VPS36: variants seen among roughly 807,000 people sequenced by gnomAD.
VPS36 encodes the protein vacuolar protein sorting 36 homolog.
Under a neutral mutation model 63.5 loss-of-function variants are expected in VPS36, and 31 were observed. The ratio of observed to expected loss-of-function variants is 0.49; its 90% CI spans 0.37 to 0.66. The LOEUF is 0.66. Among genes scored for constraint, VPS36 ranks in the 30% least tolerant of loss-of-function variants. VPS36 has a pLI of 0.00. For synonymous variants in VPS36, 138 were observed against 157.2 expected (o/e 0.88, Z 0.91); for missense variants, 338 against 463.7 (o/e 0.73, Z 2.49).
At chr13:52,424,555 AAC>A (rs1189097115) in intron 9 of VPS36, among the ~76,000 whole-genome samples, 1 of 152,228 alleles carries the variant, frequency 6.6e-6, no homozygotes, top group Admixed American at 6.5e-5. Context: ...TTCTTCAGGA[AAC>A]ACACGGTGGG....
At chr13:52,436,165 G>T in intron 4 of VPS36, 125 bp downstream of exon 4, 2 of 563,910 alleles carry the variant, frequency 3.5e-6, no homozygotes, top group Non-Finnish European at 3.0e-6. Flanking sequence ...GTAAAAATAT[G>T]GTGAAATCTG....
intron 10 of VPS36, among the ~76,000 whole-genome samples, chr13:52,421,649 G>A (rs1452082980): frequency 6.6e-6 from 1 of 151,264 alleles, no homozygotes; most frequent in East Asian, 1.9e-4. Context: ...AACCTCCTGA[G>A]TAGCTGGGAT....
chr13:52,420,858 T>C (rs1958039024), intron 10 of VPS36, among the ~76,000 whole-genome samples: 1 of 152,092 alleles, frequency 6.6e-6, no homozygotes, highest in East Asian at 1.9e-4. Context: ...GGCTCATGCC[T>C]GTAATCCCAG....
rs186203900 is a variant in VPS36 at position 52,420,628 on chromosome 13, C to T, written c.841-2572G>A. ...GATTACAGGCATGAGCCAGCGCACC[C>T]GGCCCTATTGTATATTTCAAAGTAA... is the stretch of plus-strand genomic sequence containing the variant. On this transcript the variant is annotated intron_variant, in intron 10 of 13. Transcript: ENST00000378060. Among the ~76,000 whole-genome samples, 387 of 151,966 alleles carry T rather than the reference C, an allele frequency of 2.5e-3. 1 individual carries two copies. Among genetic ancestry groups the T allele is most frequent in the African/African-American group, 8.7e-3 (359 of 41,498 alleles).
intron 9 of VPS36, among the ~76,000 whole-genome samples, chr13:52,424,079 C>T (rs1475707984): frequency 4.6e-5 from 7 of 152,060 alleles, no homozygotes; most frequent in Non-Finnish European, 7.4e-5. Context: ...GGGCTGGTCT[C>T]GAACTTCTGA....
chr13:52,423,464 GCTT>G (rs1468414615), intron 10 of VPS36, 107 bp downstream of exon 10: 1 of 904,458 alleles, frequency 1.1e-6, no homozygotes, highest in African/African-American at 1.6e-5. Flanking sequence ...GTACCACAGT[GCTT>G]CTCAAAATAG....
chr13:52,450,387 G>A, intron 1 of VPS36, 112 bp downstream of exon 1: 3 of 1,286,414 alleles, frequency 2.3e-6, no homozygotes, highest in Non-Finnish European at 2.0e-6. Flanking sequence ...GCCGAGGGCC[G>A]TGAGCTAAGC....
intron 2 of VPS36, among the ~76,000 whole-genome samples, chr13:52,439,432 T>C (rs1958251210): frequency 6.6e-6 from 1 of 151,768 alleles, no homozygotes; most frequent in Non-Finnish European, 1.5e-5. Context: ...GTATTTTCTT[T>C]ATTATTATTA....
rs1957965041 is a variant in VPS36, at chr13:52,413,410, A to C, written c.*2420T>G. On this transcript the variant is annotated 3_prime_UTR_variant, in exon 14 of 14. Coordinates refer to ENST00000378060, the MANE Select transcript of VPS36 (RefSeq NM_016075.4). ...TTTATAAGCAACTCTTAATTATAAA[A>C]TCCAAAGGAAAAATTCTTAACATAA... is the stretch of plus-strand genomic sequence containing the variant. 1 of 152,254 alleles carries C rather than the reference A, an allele frequency of 6.6e-6. No homozygotes were observed. Among genetic ancestry groups the C allele is most frequent in the Non-Finnish European group, 1.5e-5 (1 of 68,034 alleles). 9.4% of individuals were successfully genotyped at this position (152,254 alleles called of 1,614,324 possible). A position where few individuals can be genotyped will look rare whatever the true frequency, so the allele number is the denominator to read the frequency against.
chr13:52,420,816 G>GA (rs1200547704), intron 10 of VPS36, among the ~76,000 whole-genome samples: 1 of 151,650 alleles, frequency 6.6e-6, no homozygotes, highest in Admixed American at 6.6e-5. Context: ...CCATAAAAAA[G>GA]AAAAAATAAA....
At chr13:52,433,564 A>G in intron 6 of VPS36, 98 bp downstream of exon 6, 1 of 1,012,166 alleles carries the variant, frequency 9.9e-7, no homozygotes, top group Non-Finnish European at 1.5e-6. Flanking sequence ...GGCAAATGAA[A>G]TATATTCTAA....
intron 1 of VPS36, among the ~76,000 whole-genome samples, chr13:52,448,418 G>A (rs1180786403): frequency 1.3e-5 from 2 of 152,174 alleles, no homozygotes; most frequent in Admixed American, 6.5e-5. Flanking sequence ...CCTAGGGACC[G>A]CATAGCTGCA....
intron 2 of VPS36, among the ~76,000 whole-genome samples, chr13:52,440,537 C>T (rs942469086): frequency 2.0e-5 from 3 of 152,194 alleles, no homozygotes; most frequent in African/African-American, 7.2e-5. Flanking sequence ...AGGTGATCCG[C>T]CCGCCTCAGC....
intron 4 of VPS36, 40 bp from the exon 5 acceptor site, chr13:52,434,922 A>T: frequency 4.7e-6 from 7 of 1,483,078 alleles, no homozygotes; most frequent in South Asian, 1.2e-5. Context: ...ACTCAGTCAG[A>T]TTGTAACATC....
intron 10 of VPS36, among the ~76,000 whole-genome samples, chr13:52,423,057 A>G (rs1461312954): frequency 6.6e-6 from 1 of 152,186 alleles, no homozygotes; most frequent in Admixed American, 6.5e-5. Context: ...GTAAGATGTG[A>G]CTTGCTCCTC....
intron 3 of VPS36, among the ~76,000 whole-genome samples, chr13:52,437,607 T>C (rs1218352411): frequency 6.6e-6 from 1 of 152,070 alleles, no homozygotes; most frequent in Non-Finnish European, 1.5e-5. Flanking sequence ...TATCAAGTCA[T>C]CCAATTACTA....
At chr13:52,443,593 C>A (rs1268140007) in intron 1 of VPS36, among the ~76,000 whole-genome samples, 2 of 152,174 alleles carry the variant, frequency 1.3e-5, no homozygotes, top group African/African-American at 4.8e-5. Flanking sequence ...GTCTCCAGAA[C>A]TATGAGAAAT....
intron 1 of VPS36, among the ~76,000 whole-genome samples, chr13:52,446,984 T>G (rs546349118): frequency 1.3e-5 from 2 of 151,656 alleles, no homozygotes; most frequent in Admixed American, 1.3e-4. Context: ...CAAGCCATTC[T>G]CCTGCCTCAG....
rs1958183662 is a variant in VPS36, at chr13:52,433,746, T to C, written c.444A>G (p.Pro148=). The C allele has an allele frequency of 6.3e-7, 1 of 1,588,484 alleles. No homozygotes were observed. The highest frequency in any genetic ancestry group is 8.5e-7 in the Non-Finnish European group (1 of 1,172,742). ...QSLQTNRGPQ[P]GRIRAVGIVG... is the part of the protein sequence containing the mutation. ...CAATTCCTACAGCCCTTATTCTTCC[T>C]GGCTGAAAAAAAAAAGAGGTAGAAA... The change falls in exon 6 of 14, where the codon CCA becomes CCG. Residue 148 remains proline, a splice_region_variant and synonymous_variant. Transcript: ENST00000378060.
Sources: gnomAD v4.1 joint callset for allele counts (sites outside exome capture counted in the v4.1 genomes callset) on GRCh38, gnomAD v4.1.1 for gene constraint, MANE v1.5 for transcripts, NCBI Gene and HGNC (gene_info 2026-07-23, HGNC 2026-07-21) for gene names.